NFIA: variants seen among roughly 807,000 people sequenced by gnomAD.
NFIA encodes the protein nuclear factor I A.
A neutral mutation model predicts 62.8 loss-of-function variants in NFIA; 8 were observed. The observed-to-expected ratio is 0.13, with a 90% CI of 0.07 to 0.23. NFIA has a LOEUF of 0.23. NFIA is among the 10% of genes least tolerant of loss of function. The pLI is 1.00. For missense variants in NFIA, 410 were observed against 642.1 expected (o/e 0.64, Z 3.91); for synonymous variants, 235 against 238.1 (o/e 0.99, Z 0.12).
At chr1:61,272,102 A>G (rs1657541340) in intron 2 of NFIA, among the ~76,000 whole-genome samples, 1 of 152,038 alleles carries the variant, frequency 6.6e-6, no homozygotes, top group Admixed American at 6.5e-5. Flanking sequence ...TCATAATTGC[A>G]TATTTTCGGT....
intron 10 of NFIA, among the ~76,000 whole-genome samples, chr1:61,448,788 G>C (rs914813890): frequency 6.6e-6 from 1 of 152,280 alleles, no homozygotes; most frequent in South Asian, 2.1e-4. Flanking sequence ...GAGGTAAAAG[G>C]TTACGTGATG....
chr1:61,141,098 G>T (rs1466611191), intron 2 of NFIA, among the ~76,000 whole-genome samples: 1 of 150,104 alleles, frequency 6.7e-6, no homozygotes, highest in African/African-American at 2.4e-5. Flanking sequence ...AGGCATGTCT[G>T]TAAAATTGAA....
At chr1:61,164,684 T>A in intron 2 of NFIA, among the ~76,000 whole-genome samples, 1 of 152,068 alleles carries the variant, frequency 6.6e-6, no homozygotes, top group Non-Finnish European at 1.5e-5. Context: ...ATGGTCTCAA[T>A]CTCCTGACCT....
chr1:61,262,997 C>A (rs1656865523), intron 2 of NFIA, among the ~76,000 whole-genome samples: 1 of 152,168 alleles, frequency 6.6e-6, no homozygotes, highest in Admixed American at 6.5e-5. Context: ...TTACTTATAA[C>A]TTTTCCCATG....
intron 2 of NFIA, among the ~76,000 whole-genome samples, chr1:61,103,152 T>C (rs1425970587): frequency 6.6e-6 from 1 of 152,174 alleles, no homozygotes; most frequent in Non-Finnish European, 1.5e-5. Context: ...TTGAAACTGG[T>C]GGGAGCATGT....
chr1:61,189,568 GGC>G (rs1229555201), intron 2 of NFIA, among the ~76,000 whole-genome samples: 3 of 152,118 alleles, frequency 2.0e-5, no homozygotes, highest in East Asian at 3.9e-4. Flanking sequence ...GGGAGGCTGA[GGC>G]AGGGGAATTG....
intron 2 of NFIA, among the ~76,000 whole-genome samples, chr1:61,234,916 G>T (rs1654899713): frequency 6.6e-6 from 1 of 152,162 alleles, no homozygotes; most frequent in Non-Finnish European, 1.5e-5. Flanking sequence ...CACAATAGCT[G>T]CGATTGGCCA....
intron 2 of NFIA, among the ~76,000 whole-genome samples, chr1:61,147,725 C>T (rs1648112473): frequency 1.3e-5 from 2 of 150,946 alleles, no homozygotes; most frequent in Non-Finnish European, 2.9e-5. Context: ...TGTTTTTTTT[C>T]ACCTAGTAGT....
At chr1:61,396,426 T>C (rs1272519851) in intron 7 of NFIA, among the ~76,000 whole-genome samples, 1 of 152,114 alleles carries the variant, frequency 6.6e-6, no homozygotes, top group East Asian at 1.9e-4. Context: ...TTAAAATTTT[T>C]TGTAGAGATG....
chr1:61,181,871 T>G (rs1190297803), intron 2 of NFIA, among the ~76,000 whole-genome samples: 2 of 152,218 alleles, frequency 1.3e-5, no homozygotes, highest in Non-Finnish European at 2.9e-5. Flanking sequence ...CTCTTGTGCT[T>G]TAATTCCCAA....
At chr1:61,218,936 A>C in intron 2 of NFIA, among the ~76,000 whole-genome samples, 1 of 152,246 alleles carries the variant, frequency 6.6e-6, no homozygotes, top group African/African-American at 2.4e-5. Context: ...AAGTGATAAG[A>C]AATTGATCAA....
At chr1:61,222,770 G>A (rs1654098816) in intron 2 of NFIA, among the ~76,000 whole-genome samples, 2 of 152,004 alleles carry the variant, frequency 1.3e-5, no homozygotes, top group Non-Finnish European at 2.9e-5. Flanking sequence ...ATATATGTAA[G>A]ATATGTATAT....
intron 2 of NFIA, chr1:61,249,109 C>T (rs543714111): frequency 1.1e-4 from 17 of 152,262 alleles, no homozygotes; most frequent in Non-Finnish European, 2.2e-4. Flanking sequence ...TGACATACAT[C>T]CTGAAAGACA....
At chr1:61,244,077 T>C (rs1377822865) in intron 2 of NFIA, among the ~76,000 whole-genome samples, 1 of 152,232 alleles carries the variant, frequency 6.6e-6, no homozygotes, top group East Asian at 1.9e-4. Context: ...TATGCTGGTG[T>C]CTACCCAAGT....
intron 4 of NFIA, among the ~76,000 whole-genome samples, chr1:61,341,015 A>G (rs1397002586): frequency 6.6e-6 from 1 of 150,612 alleles, no homozygotes; most frequent in Non-Finnish European, 1.5e-5. Flanking sequence ...CACATTAACA[A>G]CTTTTTAAGT....
At chr1:61,423,288 A>G (rs1166166701) in intron 9 of NFIA, among the ~76,000 whole-genome samples, 1 of 151,684 alleles carries the variant, frequency 6.6e-6, no homozygotes, top group Non-Finnish European at 1.5e-5. Flanking sequence ...GCAGCCAAAT[A>G]ATCAATGATT....
intron 2 of NFIA, among the ~76,000 whole-genome samples, chr1:61,160,732 C>T (rs1189799438): frequency 6.6e-6 from 1 of 152,212 alleles, no homozygotes; most frequent in Non-Finnish European, 1.5e-5. Flanking sequence ...GATGACTGTA[C>T]ACACTGAGAA....
At chr1:61,329,644 G>A (rs1195535379) in intron 3 of NFIA, among the ~76,000 whole-genome samples, 2 of 152,176 alleles carry the variant, frequency 1.3e-5, no homozygotes, top group Non-Finnish European at 2.9e-5. Context: ...TGGGATTACA[G>A]GTGTGAGCCA....
At chr1:61,265,924 G>A (rs1011458812) in intron 2 of NFIA, among the ~76,000 whole-genome samples, 1 of 152,202 alleles carries the variant, frequency 6.6e-6, no homozygotes, top group Non-Finnish European at 1.5e-5. Flanking sequence ...GACTTGTAGT[G>A]ATTATTGCAC....
Sources: gnomAD v4.1 joint callset for allele counts (sites outside exome capture counted in the v4.1 genomes callset) on GRCh38, gnomAD v4.1.1 for gene constraint, MANE v1.5 for transcripts, NCBI Gene and HGNC (gene_info 2026-07-23, HGNC 2026-07-21) for gene names.